Variants in ADAMTS16 observed in about 807,000 individuals in gnomAD.
The protein encoded by ADAMTS16 is A disintegrin and metalloproteinase with thrombospondin motifs 16.
Under a neutral mutation model 145.8 loss-of-function variants are expected in ADAMTS16, and 94 were observed. The observed-to-expected ratio is 0.64, with a 90% CI of 0.55 to 0.77. The LOEUF (loss-of-function observed/expected upper bound fraction) is 0.77, where lower values mean the gene tolerates loss of function less well. Among genes scored for constraint, ADAMTS16 ranks in the 30% least tolerant of loss-of-function variants. The pLI, the probability that ADAMTS16 is intolerant of heterozygous loss-of-function variation, is 0.00. For missense variants in ADAMTS16, 1,585 were observed against 1,591.5 expected (o/e 1.00, Z 0.07); for synonymous variants, 659 against 604.3 (o/e 1.09, Z -1.33).
chr5:5,242,515 C>G (rs1034414908), intron 17 of ADAMTS16, among the ~76,000 whole-genome samples: 1 of 152,128 alleles, frequency 6.6e-6, no homozygotes, highest in East Asian at 1.9e-4. Flanking sequence ...TTATGAGATA[C>G]ATCATGTTGA....
chr5:5,181,960 A>G, intron 3 of ADAMTS16, 84 bp from the exon 4 acceptor site: 1 of 1,431,516 alleles, frequency 7.0e-7, no homozygotes, highest in African/African-American at 1.4e-5. Context: ...GAGAATAATA[A>G]CAAATGCAAT....
At chr5:5,214,378 C>A (rs1400997196) in intron 10 of ADAMTS16, among the ~76,000 whole-genome samples, 1 of 152,110 alleles carries the variant, frequency 6.6e-6, no homozygotes, top group Non-Finnish European at 1.5e-5. Context: ...TTCTTTAACA[C>A]AAACTTTATG....
chr5:5,213,509 T>C (rs2126325470), intron 10 of ADAMTS16, among the ~76,000 whole-genome samples: 1 of 152,354 alleles, frequency 6.6e-6, no homozygotes, highest in East Asian at 1.9e-4. Context: ...TACTTTTCCT[T>C]GAATAGTATA....
intron 9 of ADAMTS16, among the ~76,000 whole-genome samples, chr5:5,207,198 A>G (rs972953704): frequency 1.3e-5 from 2 of 152,150 alleles, no homozygotes; most frequent in African/African-American, 2.4e-5. Context: ...ATATCTCTCT[A>G]TTTAGTTTTT....
chr5:5,306,070 G>T (rs1165577915), intron 20 of ADAMTS16, among the ~76,000 whole-genome samples: 2 of 152,232 alleles, frequency 1.3e-5, no homozygotes, highest in African/African-American at 2.4e-5. Context: ...GCCTAGGGAA[G>T]ATTGTGAGCC....
intron 7 of ADAMTS16, 114 bp downstream of exon 7, chr5:5,190,244 T>A: frequency 8.4e-7 from 1 of 1,185,588 alleles, no homozygotes; most frequent in Non-Finnish European, 1.1e-6. Context: ...AGCAGCTTCT[T>A]AGTGAAGGTG....
At position 5,303,649 on chromosome 5, in the gene ADAMTS16, GCTGCTGC is replaced by G; in HGVS notation, c.3071_3077del (p.Leu1024ProfsTer40). ...GCACCAACCCCTCGGCCAGAGCGCA[GCTGCTGC>G]CCGACGCTGTCTGCACCTCCGAGCC... On this transcript the variant is annotated frameshift_variant, in exon 20 of 23. Coordinates refer to ENST00000274181, the MANE Select transcript of ADAMTS16 (RefSeq NM_139056.4). LOFTEE classifies it high-confidence loss of function. 1 of 1,614,050 alleles carries G rather than the reference GCTGCTGC, an allele frequency of 6.2e-7. No homozygotes were observed. Among genetic ancestry groups the G allele is most frequent in the Non-Finnish European group, 8.5e-7 (1 of 1,180,036 alleles).
At chr5:5,186,856 G>C (rs1286398068) in intron 5 of ADAMTS16, among the ~76,000 whole-genome samples, 5 of 152,176 alleles carry the variant, frequency 3.3e-5, no homozygotes, top group Non-Finnish European at 7.3e-5. Context: ...TTGCCAAAGT[G>C]TGTTTTTAAG....
At position 5,222,637 on chromosome 5, in the gene ADAMTS16, C is replaced by T. The variant is rs546249964; in HGVS notation, c.1606-152C>T. On this transcript the variant is annotated intron_variant, in intron 10 of 22. Coordinates refer to ENST00000274181, the MANE Select transcript of ADAMTS16 (RefSeq NM_139056.4). ...GTCTAGAGCATGAGTCTCCTTACAC[C>T]TTACTCTATTATATGCTATCATATT... is the stretch of plus-strand genomic sequence containing the variant. 13 of 611,230 alleles carry T rather than the reference C, an allele frequency of 2.1e-5. No individual in the cohort carries two copies. The East Asian group carries it at 3.6e-4, about 17-fold the overall frequency. 37.9% of individuals were successfully genotyped at this position (611,230 alleles called of 1,614,324 possible). A position where few individuals can be genotyped will look rare whatever the true frequency, so the allele number is the denominator to read the frequency against.
intron 18 of ADAMTS16, among the ~76,000 whole-genome samples, chr5:5,297,412 G>C (rs1739588132): frequency 6.6e-6 from 1 of 152,238 alleles, no homozygotes; most frequent in African/African-American, 2.4e-5. Flanking sequence ...TTGCCAATTA[G>C]AGTTGACTGG....
rs181628009 is a variant in ADAMTS16, at chr5:5,176,635, A to G, written c.502-5409A>G. On this transcript the variant is annotated intron_variant, in intron 3 of 22. Transcript: ENST00000274181. Reference sequence around the variant, plus strand: ...AAAAAATCACTGCTTCTCCTAGTGAACAAGGAACATATAGATACAGGAATG... The same window carrying G: ...AAAAAATCACTGCTTCTCCTAGTGAGCAAGGAACATATAGATACAGGAATG... Among the ~76,000 whole-genome samples, 97 of 152,340 alleles carry G rather than the reference A, an allele frequency of 6.4e-4. 1 individual carries two copies. The highest frequency in any genetic ancestry group is 4.4e-3 in the South Asian group (21 of 4,822).
Position 5,239,163 on chromosome 5 carries a change from G to A in ADAMTS16, c.2167G>A (p.Asp723Asn). ...IDGICERVGCDNVLGSDAVED... is the reference protein window; with the variant it reads ...IDGICERVGCNNVLGSDAVED... Reference sequence around the variant, plus strand: ...ATGGGCCCTCCAGAGAGTTGGATGTGACAATGTCCTTGGATCTGATGCTGT... The same window carrying A: ...ATGGGCCCTCCAGAGAGTTGGATGTAACAATGTCCTTGGATCTGATGCTGT... The change falls in exon 15 of 23, where the codon GAC becomes AAC. Residue 723 changes from aspartate to asparagine, a missense_variant. Transcript: ENST00000274181. The A allele has an allele frequency of 6.4e-7, 1 of 1,566,710 alleles. No homozygotes were observed. The highest frequency in any genetic ancestry group is 8.6e-7 in the Non-Finnish European group (1 of 1,158,892).
chr5:5,164,378 G>A (rs1029244119), intron 3 of ADAMTS16, among the ~76,000 whole-genome samples: 2 of 152,234 alleles, frequency 1.3e-5, no homozygotes, highest in African/African-American at 4.8e-5. Flanking sequence ...GTCAAGGGGA[G>A]CGAGTTTGGC....
intron 17 of ADAMTS16, among the ~76,000 whole-genome samples, chr5:5,261,461 T>A (rs1290410651): frequency 6.6e-6 from 1 of 151,298 alleles, no homozygotes; most frequent in East Asian, 1.9e-4. Flanking sequence ...TTAATATCAT[T>A]CCTCAAAGTG....
chr5:5,154,885 T>C (rs1350896366), intron 3 of ADAMTS16, among the ~76,000 whole-genome samples: 3 of 152,154 alleles, frequency 2.0e-5, no homozygotes, highest in Non-Finnish European at 4.4e-5. Flanking sequence ...CTTGATTCCC[T>C]GGGTGTAACA....
Position 5,303,369 on chromosome 5 carries a change from C to T in ADAMTS16, c.2891C>T (p.Pro964Leu). Residue 964 changes from proline (P) to leucine (L), a missense_variant, in exon 19 of 23, where the codon CCA (proline) becomes CTA (leucine). By Grantham distance (98) the Pro-to-Leu change is moderately conservative. This residue lies in a region of ADAMTS16 where 834 missense variants were observed against 811.7 expected (regional missense o/e 1.03). Transcript: ENST00000274181. ...CTRRVHYDSEPVPASLCPQPA... is the reference protein window; with the variant it reads ...CTRRVHYDSELVPASLCPQPA... Reference sequence around the variant, plus strand: ...CGGCGGGTGCACTATGACTCGGAGCCAGTCCCGGCCAGCCTGTGCCCTCAG... The same window carrying T: ...CGGCGGGTGCACTATGACTCGGAGCTAGTCCCGGCCAGCCTGTGCCCTCAG... 1 of 1,600,988 alleles carries T rather than the reference C, an allele frequency of 6.2e-7. No homozygotes were observed. The highest frequency in any genetic ancestry group is 8.5e-7 in the Non-Finnish European group (1 of 1,174,888).
chr5:5,286,558 A>T (rs4260632), intron 18 of ADAMTS16, among the ~76,000 whole-genome samples: 1 of 152,082 alleles, frequency 6.6e-6, no homozygotes, highest in Non-Finnish European at 1.5e-5. Flanking sequence ...ATATTATTTA[A>T]ATATTTTAAA....
chr5:5,206,350 C>T (rs1370391909), intron 9 of ADAMTS16, among the ~76,000 whole-genome samples: 134 of 109,138 alleles, frequency 1.2e-3, no homozygotes, highest in Admixed American at 2.2e-3. Context: ...GGCGTGAACC[C>T]GGGAGGCGGA....
intron 11 of ADAMTS16, among the ~76,000 whole-genome samples, chr5:5,227,547 G>C (rs879786198): frequency 7.7e-4 from 97 of 126,666 alleles, no homozygotes; most frequent in Non-Finnish European, 1.4e-3. Context: ...GTGTGTGTGT[G>C]TCTCTACATG....
Sources: gnomAD v4.1 joint callset for allele counts (sites outside exome capture counted in the v4.1 genomes callset) on GRCh38, gnomAD v4.1.1 for gene constraint, gnomAD v4.1.1 regional missense constraint, MANE v1.5 for transcripts, NCBI Gene and HGNC (gene_info 2026-07-23, HGNC 2026-07-21) for gene names.